RABGAP1L: variants seen among roughly 807,000 people sequenced by gnomAD.
RABGAP1L encodes RAB GTPase activating protein 1 like.
Under a neutral mutation model 137.7 loss-of-function variants are expected in RABGAP1L, and 63 were observed. The observed-to-expected ratio is 0.46, with a 90% CI of 0.37 to 0.56. RABGAP1L has a LOEUF of 0.56. Among genes scored for constraint, RABGAP1L ranks in the 20% least tolerant of loss-of-function variants. The pLI, the probability that RABGAP1L is intolerant of heterozygous loss-of-function variation, is 0.00. For synonymous variants in RABGAP1L, 431 were observed against 433.7 expected (o/e 0.99, Z 0.08); for missense variants, 1,095 against 1,244.0 (o/e 0.88, Z 1.80).
chr1:174,299,565 C>T lies in RABGAP1L; in HGVS notation c.1324-5421C>T, dbSNP rs188087364. Among the ~76,000 whole-genome samples the T allele has an allele frequency of 1.5e-3, 227 of 152,264 alleles. 1 individual carries two copies. The highest frequency in any genetic ancestry group is 4.8e-3 in the African/African-American group (201 of 41,560). ...CTCACAGATAGTTTTCAAATTCTGG[C>T]GGAACCAGGCAGAGAGAAACAAACA... On this transcript the variant is annotated intron_variant, in intron 10 of 25. Coordinates refer to ENST00000681986, the MANE Select transcript of RABGAP1L (RefSeq NM_001366446.1).
At chr1:174,763,775 T>A (rs1220070172) in intron 18 of RABGAP1L, among the ~76,000 whole-genome samples, 1 of 144,472 alleles carries the variant, frequency 6.9e-6, no homozygotes, top group Non-Finnish European at 1.5e-5. Flanking sequence ...GAGGCGGAGC[T>A]TGCAGTGAGC....
intron 17 of RABGAP1L, among the ~76,000 whole-genome samples, chr1:174,748,530 G>A (rs986875999): frequency 1.3e-5 from 2 of 152,108 alleles, no homozygotes; most frequent in Admixed American, 1.3e-4. Flanking sequence ...ATGTGCCCAA[G>A]GTGATTGGGT....
chr1:174,441,077 A>G (rs1654082498), intron 13 of RABGAP1L, among the ~76,000 whole-genome samples: 1 of 149,978 alleles, frequency 6.7e-6, no homozygotes, highest in African/African-American at 2.4e-5. Context: ...TAAAGAATAA[A>G]ACATATCCAA....
intron 19 of RABGAP1L, among the ~76,000 whole-genome samples, chr1:174,865,661 C>G (rs908348843): frequency 1.3e-5 from 2 of 152,058 alleles, no homozygotes; most frequent in Non-Finnish European, 2.9e-5. Flanking sequence ...TATTGCCAGG[C>G]ACAGTAACTT....
At chr1:174,475,624 C>G (rs963625852) in intron 13 of RABGAP1L, among the ~76,000 whole-genome samples, 1 of 151,730 alleles carries the variant, frequency 6.6e-6, no homozygotes, top group Non-Finnish European at 1.5e-5. Context: ...TAAGGCAGAT[C>G]AAGCCAGGAA....
In RABGAP1L at chr1:174,336,853, ATGTGTGTGTG is replaced by A. The variant is rs148867931; in HGVS notation, c.1465+31749_1465+31758del. 7.5e-5 allele frequency among the ~76,000 whole-genome samples: 11 copies of A among 146,574 alleles called. No individual in the cohort carries two copies. The East Asian group carries it at 2.2e-3, about 30-fold the overall frequency. On this transcript the variant is annotated intron_variant, in intron 11 of 25. Transcript: ENST00000681986. ...TACCAGATAATTTCAGTGTTTATAA[ATGTGTGTGTG>A]TGTGTGTGTGTGTGTGTGTGTGAGA...
At chr1:174,558,603 A>G (rs1667023430) in intron 13 of RABGAP1L, among the ~76,000 whole-genome samples, 2 of 152,204 alleles carry the variant, frequency 1.3e-5, no homozygotes, top group Non-Finnish European at 2.9e-5. Context: ...AAAGCTTTCA[A>G]GTTACATTTG....
chr1:174,833,372 G>GTA (rs139438199), intron 19 of RABGAP1L, among the ~76,000 whole-genome samples: 8,499 of 35,972 alleles, frequency 0.24, 811 homozygotes, highest in East Asian at 0.49. Flanking sequence ...GCTAATTTGT[G>GTA]TGTGTGTGTG....
At chr1:174,555,584 G>T (rs966446420) in intron 13 of RABGAP1L, among the ~76,000 whole-genome samples, 1 of 151,990 alleles carries the variant, frequency 6.6e-6, no homozygotes, top group African/African-American at 2.4e-5. Flanking sequence ...ACTGTGAATA[G>T]TGAAGATATA....
intron 17 of RABGAP1L, among the ~76,000 whole-genome samples, chr1:174,714,740 C>T (rs962434721): frequency 1.3e-5 from 2 of 152,242 alleles, no homozygotes; most frequent in East Asian, 3.9e-4. Flanking sequence ...CCTAGACACT[C>T]GTCTGTATTA....
intron 14 of RABGAP1L, among the ~76,000 whole-genome samples, chr1:174,664,733 T>TCTG (rs1676641124): frequency 3.5e-5 from 4 of 114,124 alleles, no homozygotes; most frequent in African/African-American, 2.6e-4. Context: ...CTTTCTGCTT[T>TCTG]CTTTTTTTTT....
intron 14 of RABGAP1L, among the ~76,000 whole-genome samples, chr1:174,656,060 CTATA>C (rs1240678628): frequency 6.6e-6 from 1 of 152,174 alleles, no homozygotes; most frequent in East Asian, 1.9e-4. Context: ...ACTAAGGAAT[CTATA>C]TGTATATACA....
intron 13 of RABGAP1L, among the ~76,000 whole-genome samples, chr1:174,435,264 T>C (rs985884956): frequency 6.6e-6 from 1 of 152,176 alleles, no homozygotes; most frequent in Non-Finnish European, 1.5e-5. Flanking sequence ...GTGATCCTCC[T>C]CGTTAGGCCT....
intron 17 of RABGAP1L, among the ~76,000 whole-genome samples, chr1:174,714,399 G>C (rs191541592): frequency 6.6e-6 from 1 of 152,198 alleles, no homozygotes; most frequent in Admixed American, 6.5e-5. Flanking sequence ...TTTCTGAAAG[G>C]AAGAGCTATG....
intron 17 of RABGAP1L, chr1:174,705,274 G>A (rs151013102): frequency 3.6e-4 from 55 of 152,192 alleles, no homozygotes; most frequent in African/African-American, 1.3e-3. Flanking sequence ...GGCACCCGTG[G>A]CATCGGAACA....
intron 19 of RABGAP1L, among the ~76,000 whole-genome samples, chr1:174,845,350 T>A (rs1417076500): frequency 4.2e-5 from 5 of 118,932 alleles, no homozygotes; most frequent in Non-Finnish European, 9.0e-5. Flanking sequence ...CAGTATGATA[T>A]TGGCTGTGGG....
chr1:174,849,709 C>G (rs559030759), intron 19 of RABGAP1L: 1 of 443,558 alleles, frequency 2.3e-6, no homozygotes, highest in Non-Finnish European at 4.5e-6. Flanking sequence ...CAGGAGATTT[C>G]GACTTCTGAA....
At chr1:174,987,064 G>A (rs978172079) in intron 24 of RABGAP1L, among the ~76,000 whole-genome samples, 2 of 152,178 alleles carry the variant, frequency 1.3e-5, no homozygotes, top group African/African-American at 2.4e-5. Flanking sequence ...AAAGGAATAC[G>A]AAGAGTGGTT....
intron 13 of RABGAP1L, among the ~76,000 whole-genome samples, chr1:174,493,804 G>A (rs1298059211): frequency 1.3e-5 from 2 of 148,640 alleles, no homozygotes; most frequent in Non-Finnish European, 3.0e-5. Flanking sequence ...CTGGGAAATG[G>A]GAGTGAGACC....
Sources: gnomAD v4.1 joint callset for allele counts (sites outside exome capture counted in the v4.1 genomes callset) on GRCh38, gnomAD v4.1.1 for gene constraint, MANE v1.5 for transcripts, NCBI Gene and HGNC (gene_info 2026-07-23, HGNC 2026-07-21) for gene names.